The following ATAD2 variants were observed in gnomAD, a reference collection of about 807,000 sequenced individuals.
ATAD2 encodes the protein ATPase family AAA domain containing 2, also known as ATPase family AAA domain-containing protein 2.
ATAD2 carries 62 observed loss-of-function variants against 168.9 expected under a neutral mutation model. The ratio of observed to expected loss-of-function variants is 0.37; its 90% CI spans 0.30 to 0.45. ATAD2 has a LOEUF of 0.45. Among genes scored for constraint, ATAD2 ranks in the 20% least tolerant of loss-of-function variants. The pLI, the probability that ATAD2 is intolerant of heterozygous loss-of-function variation, is 1.00. For synonymous variants in ATAD2, 613 were observed against 571.6 expected (o/e 1.07, Z -1.03); for missense variants, 1,419 against 1,667.8 (o/e 0.85, Z 2.60).
chr8:123,393,057 G>A (rs985647057), intron 1 of ATAD2, among the ~76,000 whole-genome samples: 13 of 151,902 alleles, frequency 8.6e-5, no homozygotes, highest in African/African-American at 2.4e-4. Flanking sequence ...GTTGGCGGGT[G>A]CCTGTAGTCC....
At chr8:123,382,412 A>T (rs192635531) in intron 1 of ATAD2, among the ~76,000 whole-genome samples, 2 of 152,346 alleles carry the variant, frequency 1.3e-5, no homozygotes, top group East Asian at 3.9e-4. Flanking sequence ...GATGTTTGAA[A>T]AAAGAATACT....
At chr8:123,395,912 C>T (rs1812803132) in intron 1 of ATAD2, among the ~76,000 whole-genome samples, 1 of 152,182 alleles carries the variant, frequency 6.6e-6, no homozygotes, top group South Asian at 2.1e-4. Context: ...CGGCTTGGCC[C>T]CAGACCGCAC....
intron 2 of ATAD2, among the ~76,000 whole-genome samples, chr8:123,373,658 A>C (rs1464975333): frequency 2.6e-5 from 4 of 151,910 alleles, no homozygotes; most frequent in Non-Finnish European, 5.9e-5. Flanking sequence ...GCATGGTGGC[A>C]GGCGCCTGTA....
chr8:123,335,983 T>C (rs1322596969), intron 22 of ATAD2, among the ~76,000 whole-genome samples: 4 of 152,190 alleles, frequency 2.6e-5, no homozygotes, highest in African/African-American at 9.7e-5. Flanking sequence ...GTAATAAAAA[T>C]TATAATGGTC....
At chr8:123,347,469 A>G (rs1586871079) in intron 15 of ATAD2, 63 bp from the exon 16 acceptor site, 1 of 1,412,672 alleles carries the variant, frequency 7.1e-7, no homozygotes, top group South Asian at 1.4e-5. Flanking sequence ...ACAAAACTCT[A>G]TTAGCATGAC....
Sources: gnomAD v4.1 joint callset for allele counts (sites outside exome capture counted in the v4.1 genomes callset) on GRCh38, gnomAD v4.1.1 for gene constraint, MANE v1.5 for transcripts, NCBI Gene and HGNC (gene_info 2026-07-23, HGNC 2026-07-21) for gene names.